CHCHD3: variants seen among roughly 807,000 people sequenced by gnomAD.
CHCHD3 encodes the protein MICOS complex subunit MIC19.
Under a neutral mutation model 38.2 loss-of-function variants are expected in CHCHD3, and 20 were observed. The ratio of observed to expected loss-of-function variants is 0.52; its 90% CI spans 0.37 to 0.76. CHCHD3 has a LOEUF of 0.76. CHCHD3 is among the 30% of genes least tolerant of loss of function. The pLI is 0.00. For synonymous variants in CHCHD3, 82 were observed against 100.0 expected (o/e 0.82, Z 1.07); for missense variants, 245 against 279.2 (o/e 0.88, Z 0.87).
intron 2 of CHCHD3, among the ~76,000 whole-genome samples, chr7:133,045,091 C>T (rs1813946515): frequency 6.6e-6 from 1 of 152,214 alleles, no homozygotes; most frequent in African/African-American, 2.4e-5. Flanking sequence ...GCAACTCAGA[C>T]AGAGGGGCTT....
chr7:132,862,973 T>C (rs938419040), intron 5 of CHCHD3, among the ~76,000 whole-genome samples: 2 of 152,348 alleles, frequency 1.3e-5, no homozygotes, highest in Non-Finnish European at 2.9e-5. Flanking sequence ...CTGCAACTCC[T>C]TCCTCCACTG....
intron 7 of CHCHD3, among the ~76,000 whole-genome samples, chr7:132,791,682 AGG>A (rs1806464240): frequency 6.6e-6 from 1 of 152,208 alleles, no homozygotes; most frequent in African/African-American, 2.4e-5. Flanking sequence ...GTCCTTCAGA[AGG>A]CGGACAGAAA....
rs142957272 is a variant in CHCHD3 at position 132,896,384 on chromosome 7, A to G, written c.370-10639T>C. Among the ~76,000 whole-genome samples the G allele has an allele frequency of 6.6e-3, 1,004 of 152,320 alleles. 11 individuals are homozygous for G. The highest frequency in any genetic ancestry group is 0.022 in the African/African-American group (932 of 41,574). ...GTGACTATGCCATACCTGTTGTTAAATATTTTATATATAATTCCTGAGAAC... is the reference window on the plus strand; with the variant it reads ...GTGACTATGCCATACCTGTTGTTAAGTATTTTATATATAATTCCTGAGAAC... On this transcript the variant is annotated intron_variant, in intron 4 of 7. Coordinates refer to ENST00000262570, the MANE Select transcript of CHCHD3 (RefSeq NM_017812.4).
At chr7:132,796,015 C>T (rs1054091817) in intron 7 of CHCHD3, among the ~76,000 whole-genome samples, 7 of 150,572 alleles carry the variant, frequency 4.6e-5, no homozygotes, top group Non-Finnish European at 3.0e-5. Flanking sequence ...AGTGACTGAA[C>T]GGTGGTGTTT....
intron 3 of CHCHD3, among the ~76,000 whole-genome samples, chr7:132,988,433 T>C (rs1812184858): frequency 6.6e-6 from 1 of 152,146 alleles, no homozygotes. Flanking sequence ...ATTCAAAATA[T>C]ATTTTGAAAG....
Position 132,838,481 on chromosome 7 carries a change from GA to G in CHCHD3, c.454-13del. 6.3e-7 allele frequency: 1 copy of G among 1,593,188 alleles called. No individual in the cohort carries two copies. The highest frequency in any genetic ancestry group is 8.6e-7 in the Non-Finnish European group (1 of 1,163,982). On this transcript the variant is annotated splice_polypyrimidine_tract_variant and intron_variant, in intron 5 of 7. Transcript: ENST00000262570. ...TAGAACTCTGAGCTCTGTGGACAAA[GA>G]TTGATAGCAAAGGTTTCACTATCCA...
intron 1 of CHCHD3, among the ~76,000 whole-genome samples, chr7:133,070,697 T>G (rs530763470): frequency 6.9e-6 from 1 of 145,658 alleles, no homozygotes; most frequent in African/African-American, 2.5e-5. Context: ...ACAGATTTCA[T>G]GATGGATCAA....
intron 5 of CHCHD3, among the ~76,000 whole-genome samples, chr7:132,864,110 C>A (rs967938268): frequency 6.6e-6 from 1 of 152,204 alleles, no homozygotes; most frequent in African/African-American, 2.4e-5. Context: ...AACGGCACAG[C>A]TTTTAGCTTA....
intron 5 of CHCHD3, among the ~76,000 whole-genome samples, chr7:132,859,339 C>T (rs1389384297): frequency 6.6e-6 from 1 of 152,128 alleles, no homozygotes; most frequent in Non-Finnish European, 1.5e-5. Context: ...TCTGTGATGC[C>T]TTTGTGGATA....
intron 6 of CHCHD3, among the ~76,000 whole-genome samples, chr7:132,797,654 T>C (rs1481536353): frequency 6.6e-6 from 1 of 152,202 alleles, no homozygotes; most frequent in Non-Finnish European, 1.5e-5. Flanking sequence ...TAAAGTCCCC[T>C]GGGTTAAAAT....
intron 2 of CHCHD3, among the ~76,000 whole-genome samples, chr7:133,033,043 A>T (rs928015532): frequency 6.6e-6 from 1 of 152,178 alleles, no homozygotes; most frequent in Non-Finnish European, 1.5e-5. Flanking sequence ...GTAATATTTA[A>T]ATAAAACAAG....
chr7:132,796,307 G>T, intron 7 of CHCHD3, 135 bp downstream of exon 7: 2 of 923,556 alleles, frequency 2.2e-6, no homozygotes, highest in Non-Finnish European at 3.3e-6. Flanking sequence ...ACTCATTACA[G>T]TAATTCTTGA....
chr7:132,949,858 A>C (rs1407500664), intron 4 of CHCHD3, among the ~76,000 whole-genome samples: 1 of 152,148 alleles, frequency 6.6e-6, no homozygotes, highest in African/African-American at 2.4e-5. Flanking sequence ...AGATCATTGT[A>C]GAGTAGCACA....
intron 6 of CHCHD3, among the ~76,000 whole-genome samples, chr7:132,822,697 C>A (rs753031687): frequency 6.6e-6 from 1 of 152,240 alleles, no homozygotes; most frequent in Admixed American, 6.5e-5. Context: ...TTGGAAGGAA[C>A]AGTCACAATT....
At chr7:132,952,643 G>A (rs180774997) in intron 4 of CHCHD3, among the ~76,000 whole-genome samples, 91 of 152,298 alleles carry the variant, frequency 6.0e-4, no homozygotes, top group African/African-American at 2.1e-3. Context: ...TATAAACATA[G>A]GCCATATAGA....
intron 4 of CHCHD3, among the ~76,000 whole-genome samples, chr7:132,951,297 G>T (rs982573172): frequency 3.3e-5 from 5 of 152,178 alleles, no homozygotes; most frequent in Non-Finnish European, 7.3e-5. Context: ...TCCTAGGAAT[G>T]AATCAAGAAA....
intron 4 of CHCHD3, among the ~76,000 whole-genome samples, chr7:132,969,846 T>C (rs1044786202): frequency 6.6e-6 from 1 of 152,274 alleles, no homozygotes; most frequent in African/African-American, 2.4e-5. Flanking sequence ...ACTGACTAAA[T>C]GGACCCCCTC....
At position 133,062,536 on chromosome 7, in the gene CHCHD3, C is replaced by T. The variant is rs571406147; in HGVS notation, c.169+7606G>A. 4.6e-5 allele frequency among the ~76,000 whole-genome samples: 7 copies of T among 152,238 alleles called. No homozygotes were observed. The East Asian group carries it at 1.4e-3, about 29-fold the overall frequency. Reference sequence around the variant, plus strand: ...TTTGCTTGGTTATGACAAATAACAACACTTGTTCTGTGAGAAAATACAATC... The same window carrying T: ...TTTGCTTGGTTATGACAAATAACAATACTTGTTCTGTGAGAAAATACAATC... On this transcript the variant is annotated intron_variant, in intron 2 of 7. Coordinates refer to ENST00000262570, the MANE Select transcript of CHCHD3 (RefSeq NM_017812.4).
chr7:132,942,817 A>G (rs1245876441), intron 4 of CHCHD3, among the ~76,000 whole-genome samples: 1 of 152,324 alleles, frequency 6.6e-6, no homozygotes, highest in East Asian at 1.9e-4. Flanking sequence ...GTTGGCTACA[A>G]TAAGTTCAAA....
Sources: gnomAD v4.1 joint callset for allele counts (sites outside exome capture counted in the v4.1 genomes callset) on GRCh38, gnomAD v4.1.1 for gene constraint, MANE v1.5 for transcripts, NCBI Gene and HGNC (gene_info 2026-07-23, HGNC 2026-07-21) for gene names.